The following BAIAP2L1 variants were observed in gnomAD, a reference collection of about 807,000 sequenced individuals.
BAIAP2L1 encodes the protein BAR/IMD domain containing adaptor protein 2 like 1, also known as BAR/IMD domain-containing adapter protein 2-like 1.
A neutral mutation model predicts 66.3 loss-of-function variants in BAIAP2L1; 35 were observed. The observed-to-expected ratio is 0.53, with a 90% CI of 0.40 to 0.70. The LOEUF (loss-of-function observed/expected upper bound fraction) is 0.70. Ranked by LOEUF, BAIAP2L1 falls within the 30% of genes least tolerant of loss-of-function variation. The pLI is 0.00. For missense variants in BAIAP2L1, 622 were observed against 656.9 expected, an observed-to-expected ratio of 0.95 and a Z score of 0.58; for synonymous variants, 269 against 248.7, an observed-to-expected ratio of 1.08 and a Z score of -0.77.
At position 98,400,803 on chromosome 7, in the gene BAIAP2L1, C is replaced by A. The variant is rs1385094626; in HGVS notation, c.50G>T (p.Arg17Leu). 1.1e-5 allele frequency: 17 copies of A among 1,548,800 alleles called. No individual in the cohort carries two copies. Among genetic ancestry groups the A allele is most frequent in the Non-Finnish European group, 1.5e-5 (17 of 1,146,092 alleles). The change falls in exon 1 of 14, where the codon CGG becomes CTG. Residue 17 changes from arginine (R) to leucine (L), a missense_variant and splice_region_variant. Arg to Leu is a moderately radical substitution (Grantham distance 102). Transcript: ENST00000005260. ...EVNRLTESTYRNVMEQFNPGL... is the reference protein window; with the variant it reads ...EVNRLTESTYLNVMEQFNPGL... ...CTGAGCCCCGGGCCCTGGGCTTACC[C>A]GGTAGGTGCTCTCCGTGAGCCGGTT...
At chr7:98,387,227 G>A (rs6943201) in intron 1 of BAIAP2L1, among the ~76,000 whole-genome samples, 1 of 152,146 alleles carries the variant, frequency 6.6e-6, no homozygotes, top group Non-Finnish European at 1.5e-5. Context: ...GCGGCTACTA[G>A]AACTTGGGGT....
chr7:98,375,584 T>A (rs1802607224), intron 1 of BAIAP2L1, among the ~76,000 whole-genome samples: 2 of 150,890 alleles, frequency 1.3e-5, no homozygotes, highest in African/African-American at 4.9e-5. Flanking sequence ...ACCCCATCTC[T>A]ACTAAAAATA....
At chr7:98,383,488 T>C (rs898686582) in intron 1 of BAIAP2L1, among the ~76,000 whole-genome samples, 1 of 151,860 alleles carries the variant, frequency 6.6e-6, no homozygotes, top group Non-Finnish European at 1.5e-5. Context: ...GGTTTCTCCA[T>C]GTTGGTCAGG....
chr7:98,364,004 C>T (rs1014593442), intron 1 of BAIAP2L1, among the ~76,000 whole-genome samples: 1 of 148,696 alleles, frequency 6.7e-6, no homozygotes, highest in African/African-American at 2.5e-5. Flanking sequence ...TTTATTGCTG[C>T]AGTTTTGAAT....
intron 9 of BAIAP2L1, 50 bp from the exon 10 acceptor site, chr7:98,307,946 T>C (rs6465666): frequency 0.45 from 700,744 of 1,565,512 alleles, 165,944 homozygotes; most frequent in Middle Eastern, 0.53. Context: ...TGAGAATCAA[T>C]AGGCACATTC....
At chr7:98,294,578 C>T (rs1800108666) in intron 12 of BAIAP2L1, among the ~76,000 whole-genome samples, 1 of 152,140 alleles carries the variant, frequency 6.6e-6, no homozygotes, top group African/African-American at 2.4e-5. Context: ...AGCAACAGAG[C>T]GACATCACAG....
At chr7:98,318,596 G>A (rs1295496782) in intron 5 of BAIAP2L1, among the ~76,000 whole-genome samples, 4 of 151,532 alleles carry the variant, frequency 2.6e-5, no homozygotes, top group East Asian at 3.9e-4. Flanking sequence ...GGTCTTAAAC[G>A]GACCCGCGTC....
At chr7:98,298,913 C>T (rs2116808503) in intron 12 of BAIAP2L1, among the ~76,000 whole-genome samples, 1 of 152,228 alleles carries the variant, frequency 6.6e-6, no homozygotes, top group South Asian at 2.1e-4. Flanking sequence ...ACAATGACAG[C>T]TCACTGCAGC....
At chr7:98,327,096 C>T (rs1467223499) in intron 3 of BAIAP2L1, among the ~76,000 whole-genome samples, 4 of 152,176 alleles carry the variant, frequency 2.6e-5, no homozygotes, top group Non-Finnish European at 4.4e-5. Flanking sequence ...CGCGGTGGCT[C>T]ATGCCTGGAA....
At chr7:98,342,256 T>C (rs1233385908) in intron 3 of BAIAP2L1, among the ~76,000 whole-genome samples, 5 of 152,046 alleles carry the variant, frequency 3.3e-5, no homozygotes, top group Non-Finnish European at 1.5e-5. Context: ...TTTGCCATGT[T>C]GGCCTAGCTG....
chr7:98,303,058 T>C (rs1800492792), intron 12 of BAIAP2L1, among the ~76,000 whole-genome samples: 1 of 152,200 alleles, frequency 6.6e-6, no homozygotes, highest in South Asian at 2.1e-4. Context: ...GTGTTGGAAT[T>C]ACACAGACAT....
At chr7:98,360,669 C>T (rs1245040060) in intron 2 of BAIAP2L1, among the ~76,000 whole-genome samples, 1 of 151,242 alleles carries the variant, frequency 6.6e-6, no homozygotes, top group Admixed American at 6.6e-5. Flanking sequence ...GAAAAAAAAA[C>T]TGCAGGTCAC....
chr7:98,294,972 C>T (rs1294483690), intron 12 of BAIAP2L1, among the ~76,000 whole-genome samples: 1 of 152,194 alleles, frequency 6.6e-6, no homozygotes, highest in African/African-American at 2.4e-5. Flanking sequence ...CCTGCCTGCA[C>T]ACAGGGAGTG....
At chr7:98,330,991 C>T (rs931244407) in intron 3 of BAIAP2L1, among the ~76,000 whole-genome samples, 6 of 152,102 alleles carry the variant, frequency 3.9e-5, no homozygotes, top group Admixed American at 2.0e-4. Context: ...CACATTTCAA[C>T]ATAAAATTGG....
At chr7:98,380,276 C>G (rs1802724161) in intron 1 of BAIAP2L1, among the ~76,000 whole-genome samples, 2 of 151,908 alleles carry the variant, frequency 1.3e-5, no homozygotes, top group Admixed American at 6.6e-5. Context: ...TGGGCTCTTG[C>G]CATGTTGCCC....
intron 7 of BAIAP2L1, 136 bp from the exon 8 acceptor site, chr7:98,312,400 T>G: frequency 1.1e-6 from 1 of 937,436 alleles, no homozygotes; most frequent in Non-Finnish European, 1.6e-6. Flanking sequence ...TTAAACTCGG[T>G]GAGCACTTTA....
chr7:98,315,138 T>C (rs1234428368), intron 7 of BAIAP2L1, among the ~76,000 whole-genome samples: 1 of 152,126 alleles, frequency 6.6e-6, no homozygotes, highest in Admixed American at 6.5e-5. Flanking sequence ...TATGGACTGA[T>C]TGAGACAGGG....
intron 1 of BAIAP2L1, among the ~76,000 whole-genome samples, chr7:98,393,684 A>G (rs890217912): frequency 6.7e-6 from 1 of 149,954 alleles, no homozygotes; most frequent in East Asian, 2.1e-4. Context: ...TTTTTAGTAG[A>G]GACGGGGTTT....
At chr7:98,350,737 C>G (rs1801982440) in intron 3 of BAIAP2L1, among the ~76,000 whole-genome samples, 1 of 152,186 alleles carries the variant, frequency 6.6e-6, no homozygotes, top group Non-Finnish European at 1.5e-5. Context: ...CCCCACAGCC[C>G]CTATTTCTTC....
Sources: allele counts gnomAD v4.1 joint callset (sites outside exome capture counted in the v4.1 genomes callset), GRCh38; gene constraint gnomAD v4.1.1; transcripts MANE v1.5; gene names NCBI Gene and HGNC (gene_info 2026-07-23, HGNC 2026-07-21).